WDFY2: variants seen among roughly 807,000 people sequenced by gnomAD.
WDFY2 encodes WD repeat and FYVE domain-containing protein 2.
WDFY2 carries 36 observed loss-of-function variants against 56.4 expected under a neutral mutation model. The ratio of observed to expected loss-of-function variants is 0.64; its 90% CI spans 0.49 to 0.84. WDFY2 has a LOEUF of 0.84. Ranked by LOEUF, WDFY2 falls within the 40% of genes least tolerant of loss-of-function variation. The pLI, the probability that WDFY2 is intolerant of heterozygous loss-of-function variation, is 0.00. For synonymous variants in WDFY2, 176 were observed against 183.7 expected, an observed-to-expected ratio of 0.96 and a Z score of 0.34; for missense variants, 444 against 512.2, an observed-to-expected ratio of 0.87 and a Z score of 1.29.
chr13:51,712,014 A>C (rs1952230139), intron 4 of WDFY2, among the ~76,000 whole-genome samples: 1 of 152,238 alleles, frequency 6.6e-6, no homozygotes. Flanking sequence ...GGCACTATTC[A>C]CAATAGCAAA....
chr13:51,735,699 CTTG>C (rs1847070417), intron 6 of WDFY2, among the ~76,000 whole-genome samples: 1 of 152,204 alleles, frequency 6.6e-6, no homozygotes, highest in African/African-American at 2.4e-5. Flanking sequence ...TCAATACATG[CTTG>C]TTGAACTGAT....
intron 1 of WDFY2, among the ~76,000 whole-genome samples, chr13:51,651,827 G>A (rs915017499): frequency 6.6e-6 from 1 of 152,190 alleles, no homozygotes; most frequent in African/African-American, 2.4e-5. Flanking sequence ...CAACTATGTG[G>A]TCAGTTTTGG....
intron 3 of WDFY2, among the ~76,000 whole-genome samples, chr13:51,699,776 C>T (rs184714238): frequency 6.6e-5 from 10 of 152,270 alleles, no homozygotes; most frequent in African/African-American, 1.4e-4. Context: ...AGTAATCTAG[C>T]GGTGTTTATT....
Position 51,660,567 on chromosome 13 carries a change from T to G in WDFY2, c.138-29T>G, listed in dbSNP as rs201888022. 2.5e-6 allele frequency: 4 copies of G among 1,597,904 alleles called. No individual in the cohort carries two copies. The Admixed American group carries it at 6.7e-5, about 27-fold the overall frequency. On this transcript the variant is annotated intron_variant, in intron 1 of 11. Transcript: ENST00000298125. Reference sequence around the variant, plus strand: ...TTTCCCATGGCTAAGAATAATGTGATTTCATGTACATATTTTCTTCTGTTG... The same window carrying G: ...TTTCCCATGGCTAAGAATAATGTGAGTTCATGTACATATTTTCTTCTGTTG...
At chr13:51,748,057 C>T (rs1476078059) in intron 7 of WDFY2, among the ~76,000 whole-genome samples, 1 of 152,138 alleles carries the variant, frequency 6.6e-6, no homozygotes, top group Admixed American at 6.5e-5. Flanking sequence ...TCTCTGTGTT[C>T]CCTTGCCCTG....
At chr13:51,594,249 C>T (rs1954103801) in intron 1 of WDFY2, 1 of 152,172 alleles carries the variant, frequency 6.6e-6, no homozygotes, top group Non-Finnish European at 1.5e-5. Context: ...TCCATCACTC[C>T]TAATTTTTGA....
Position 51,593,495 on chromosome 13 carries a change from T to C in WDFY2, c.137+8671T>C, listed in dbSNP as rs970054600. Among the ~76,000 whole-genome samples the C allele has an allele frequency of 2.6e-5, 4 of 152,326 alleles. 1 individual carries two copies. Among genetic ancestry groups the C allele is most frequent in the African/African-American group, 9.6e-5 (4 of 41,584 alleles). Reference sequence around the variant, plus strand: ...ATTTTCCAAAAGGTTTATGCCACTTTAAAATGCTTATAGTTATGTATGCAT... The same window carrying C: ...ATTTTCCAAAAGGTTTATGCCACTTCAAAATGCTTATAGTTATGTATGCAT... On this transcript the variant is annotated intron_variant, in intron 1 of 11. Transcript: ENST00000298125.
intron 1 of WDFY2, among the ~76,000 whole-genome samples, chr13:51,629,440 A>G (rs562676199): frequency 6.6e-6 from 1 of 152,348 alleles, no homozygotes; most frequent in Non-Finnish European, 1.5e-5. Context: ...TCAATTTAAT[A>G]TGACTTTGGA....
At chr13:51,701,246 G>A (rs998147486) in intron 3 of WDFY2, among the ~76,000 whole-genome samples, 1 of 152,080 alleles carries the variant, frequency 6.6e-6, no homozygotes, top group Non-Finnish European at 1.5e-5. Flanking sequence ...AACAAGGCTG[G>A]GTGTGGTGGC....
At chr13:51,655,165 A>T (rs1372568928) in intron 1 of WDFY2, among the ~76,000 whole-genome samples, 1 of 152,146 alleles carries the variant, frequency 6.6e-6, no homozygotes, top group African/African-American at 2.4e-5. Flanking sequence ...ATAGTTTTAC[A>T]TGTCTCTTTC....
intron 7 of WDFY2, among the ~76,000 whole-genome samples, chr13:51,744,986 A>G (rs1216699958): frequency 2.0e-5 from 3 of 152,192 alleles, no homozygotes; most frequent in Non-Finnish European, 2.9e-5. Flanking sequence ...TCACTCTTCT[A>G]TGTTGGAATA....
intron 4 of WDFY2, among the ~76,000 whole-genome samples, chr13:51,715,152 T>G (rs1952315392): frequency 1.3e-5 from 2 of 152,212 alleles, no homozygotes; most frequent in South Asian, 4.1e-4. Flanking sequence ...TACTGTACAC[T>G]ACTGTAGACT....
chr13:51,611,923 A>C (rs753846521), intron 1 of WDFY2, among the ~76,000 whole-genome samples: 1 of 152,182 alleles, frequency 6.6e-6, no homozygotes, highest in South Asian at 2.1e-4. Flanking sequence ...TCATGCGCAC[A>C]TAAGGAAAGG....
intron 1 of WDFY2, among the ~76,000 whole-genome samples, chr13:51,654,197 C>A (rs987962332): frequency 6.6e-6 from 1 of 152,228 alleles, no homozygotes; most frequent in African/African-American, 2.4e-5. Flanking sequence ...GTAGGACCCT[C>A]CGAGCCAGGC....
At chr13:51,598,587 G>A (rs1954201744) in intron 1 of WDFY2, 1 of 152,142 alleles carries the variant, frequency 6.6e-6, no homozygotes, top group Non-Finnish European at 1.5e-5. Flanking sequence ...TTCTTGGCCT[G>A]ATCCCTAAGG....
chr13:51,727,441 A>G (rs756898406), intron 5 of WDFY2, among the ~76,000 whole-genome samples: 1 of 152,170 alleles, frequency 6.6e-6, no homozygotes, highest in African/African-American at 2.4e-5. Flanking sequence ...TTTTAAATAT[A>G]TAGATTTATT....
intron 1 of WDFY2, among the ~76,000 whole-genome samples, chr13:51,641,293 A>T (rs1955150575): frequency 6.6e-6 from 1 of 151,776 alleles, no homozygotes; most frequent in African/African-American, 2.4e-5. Context: ...GCTCGTCTTG[A>T]ACTCCTGACT....
chr13:51,682,381 ACT>A (rs920783470), intron 3 of WDFY2, among the ~76,000 whole-genome samples: 1 of 152,064 alleles, frequency 6.6e-6, no homozygotes, highest in African/African-American at 2.4e-5. Flanking sequence ...TTCAGCATAA[ACT>A]CTGCAAAGCA....
Position 51,766,045 on chromosome 13 carries a change from T to A in WDFY2, c.*6276T>A, listed in dbSNP as rs1018364589. The A allele has an allele frequency of 4.6e-5, 7 of 152,194 alleles. No individual in the cohort carries two copies. Among genetic ancestry groups the A allele is most frequent in the Admixed American group, 3.9e-4 (6 of 15,276 alleles). 9.4% of individuals were successfully genotyped at this position (152,194 alleles called of 1,614,324 possible). A position where few individuals can be genotyped will look rare whatever the true frequency, so the allele number is the denominator to read the frequency against. The stretch of plus-strand genomic sequence containing the variant: ...AAAAAAGGGAAAATGATTTGAAAAA[T>A]GTTTCACATATACACTTTTTATCAT... On this transcript the variant is annotated 3_prime_UTR_variant, in exon 12 of 12. Coordinates refer to ENST00000298125, the MANE Select transcript of WDFY2 (RefSeq NM_052950.4).
Sources: gnomAD v4.1 joint callset for allele counts (sites outside exome capture counted in the v4.1 genomes callset) on GRCh38, gnomAD v4.1.1 for gene constraint, MANE v1.5 for transcripts, NCBI Gene and HGNC (gene_info 2026-07-23, HGNC 2026-07-21) for gene names.